The following CTNNA2 variants were observed in gnomAD, a reference collection of about 807,000 sequenced individuals.
CTNNA2 encodes catenin alpha 2.
In CTNNA2, 42 loss-of-function variants were observed where a neutral mutation model predicts 101.0. The ratio of observed to expected loss-of-function variants is 0.42; its 90% confidence interval spans 0.32 to 0.54. CTNNA2 has a LOEUF of 0.54. Ranked by LOEUF, CTNNA2 falls within the 20% of genes least tolerant of loss-of-function variation. CTNNA2 has a pLI of 0.14. For missense variants in CTNNA2, 871 were observed against 1,223.1 expected (o/e 0.71, Z 4.29); for synonymous variants, 450 against 456.4 (o/e 0.99, Z 0.18).
At chr2:79,480,883 C>T (rs780022041) in intron 4 of CTNNA2, among the ~76,000 whole-genome samples, 1 of 152,084 alleles carries the variant, frequency 6.6e-6, no homozygotes, top group Non-Finnish European at 1.5e-5. Context: ...TTAGAACTCA[C>T]TGTCACTATT....
chr2:79,229,921 G>A (rs1362101411), intron 2 of CTNNA2, among the ~76,000 whole-genome samples: 1 of 152,160 alleles, frequency 6.6e-6, no homozygotes, highest in Non-Finnish European at 1.5e-5. Flanking sequence ...GAGATTTGTG[G>A]AACTTTGAAC....
intron 2 of CTNNA2, among the ~76,000 whole-genome samples, chr2:79,210,830 T>C (rs540508296): frequency 6.6e-6 from 1 of 152,194 alleles, no homozygotes; most frequent in African/African-American, 2.4e-5. Flanking sequence ...TGTCCCCCAA[T>C]CCCCGTATTC....
At chr2:80,596,848 T>C (rs750269101) in intron 15 of CTNNA2, among the ~76,000 whole-genome samples, 4 of 152,176 alleles carry the variant, frequency 2.6e-5, no homozygotes, top group Non-Finnish European at 5.9e-5. Flanking sequence ...TATGGGTTTG[T>C]CATAAATAGC....
intron 7 of CTNNA2, among the ~76,000 whole-genome samples, chr2:80,073,846 A>C (rs1698513050): frequency 6.6e-6 from 1 of 151,704 alleles, no homozygotes; most frequent in Non-Finnish European, 1.5e-5. Flanking sequence ...TTTCAATGTC[A>C]TTACAGATTC....
At chr2:80,526,976 A>G (rs1690096483) in intron 9 of CTNNA2, among the ~76,000 whole-genome samples, 1 of 152,234 alleles carries the variant, frequency 6.6e-6, no homozygotes, top group African/African-American at 2.4e-5. Context: ...GAATATGGTC[A>G]TTGTACAAAT....
At chr2:79,787,261 C>T (rs1319355798) in intron 3 of CTNNA2, among the ~76,000 whole-genome samples, 2 of 152,012 alleles carry the variant, frequency 1.3e-5, no homozygotes, top group African/African-American at 4.8e-5. Context: ...CTTTTTTCAA[C>T]TTTCTATTTT....
chr2:80,092,389 C>T (rs1401823919), intron 7 of CTNNA2, among the ~76,000 whole-genome samples: 3 of 152,082 alleles, frequency 2.0e-5, no homozygotes, highest in Admixed American at 1.3e-4. Context: ...CAGGCATACA[C>T]CCGTCACCTC....
chr2:79,335,028 A>G (rs1676963665), intron 3 of CTNNA2, among the ~76,000 whole-genome samples: 1 of 152,082 alleles, frequency 6.6e-6, no homozygotes, highest in African/African-American at 2.4e-5. Context: ...ACCCACACCC[A>G]TTCAGGAATT....
intron 18 of CTNNA2, among the ~76,000 whole-genome samples, chr2:80,621,600 T>C (rs1178458306): frequency 6.6e-6 from 1 of 151,998 alleles, no homozygotes; most frequent in African/African-American, 2.4e-5. Flanking sequence ...ATTCTAATTA[T>C]TGGGGATGTA....
At chr2:79,351,208 A>G (rs769176948) in intron 3 of CTNNA2, among the ~76,000 whole-genome samples, 1 of 152,104 alleles carries the variant, frequency 6.6e-6, no homozygotes, top group Non-Finnish European at 1.5e-5. Context: ...CTCTGCCTAG[A>G]CCAATGTTCA....
At chr2:80,237,795 A>T (rs1240839774) in intron 7 of CTNNA2, among the ~76,000 whole-genome samples, 1 of 152,138 alleles carries the variant, frequency 6.6e-6, no homozygotes, top group Non-Finnish European at 1.5e-5. Context: ...AAGCAAGAAA[A>T]TGAAAGGATT....
chr2:79,216,317 G>C (rs928568985), intron 2 of CTNNA2, among the ~76,000 whole-genome samples: 1 of 99,362 alleles, frequency 1.0e-5, no homozygotes, highest in African/African-American at 3.5e-5. Context: ...TAATGAAGGA[G>C]GCAAGCCTAG....
intron 9 of CTNNA2, among the ~76,000 whole-genome samples, chr2:80,542,251 G>A (rs1385976249): frequency 1.5e-5 from 2 of 129,962 alleles, no homozygotes; most frequent in South Asian, 2.4e-4. Context: ...ACATATTTAT[G>A]TGTATATATA....
intron 2 of CTNNA2, among the ~76,000 whole-genome samples, chr2:79,231,810 G>T (rs1036043291): frequency 6.7e-6 from 1 of 149,472 alleles, no homozygotes; most frequent in East Asian, 2.0e-4. Flanking sequence ...ATTTCATTTC[G>T]TTTGTGGTTA....
intron 7 of CTNNA2, among the ~76,000 whole-genome samples, chr2:80,143,352 T>G (rs1573210002): frequency 6.6e-6 from 1 of 152,222 alleles, no homozygotes; most frequent in African/African-American, 2.4e-5. Context: ...AAGTAATGTT[T>G]TGATACATTC....
In CTNNA2 at chr2:80,201,525, CA is replaced by C. The variant is rs1157476949; in HGVS notation, c.1057-191685del. On this transcript the variant is annotated intron_variant, in intron 7 of 18. Coordinates refer to ENST00000402739, the MANE Select transcript of CTNNA2 (RefSeq NM_001282597.3). ...AGTAGCTGGGACTACAGGCGCCTGC[CA>C]CCATGCCTGGCTAAATTTGTGTATT... is the stretch of plus-strand genomic sequence containing the variant. Among the ~76,000 whole-genome samples the C allele has an allele frequency of 4.6e-5, 7 of 151,976 alleles. No homozygotes were observed. The South Asian group carries it at 1.0e-3, about 23-fold the overall frequency.
At chr2:80,513,592 CA>C (rs1272887127) in intron 9 of CTNNA2, among the ~76,000 whole-genome samples, 3 of 152,194 alleles carry the variant, frequency 2.0e-5, no homozygotes, top group African/African-American at 7.2e-5. Flanking sequence ...GCTGCAGTAA[CA>C]AAACACCTTC....
intron 7 of CTNNA2, among the ~76,000 whole-genome samples, chr2:80,318,703 C>A (rs2149242335): frequency 6.6e-6 from 1 of 152,242 alleles, no homozygotes; most frequent in East Asian, 1.9e-4. Flanking sequence ...TTGTCCCTGG[C>A]TTATAGACTG....
chr2:80,123,929 T>A (rs183450052), intron 7 of CTNNA2, among the ~76,000 whole-genome samples: 1 of 152,284 alleles, frequency 6.6e-6, no homozygotes, highest in East Asian at 1.9e-4. Flanking sequence ...ACTGGCCACA[T>A]TCATTTGCAT....
Sources: allele counts gnomAD v4.1 joint callset (sites outside exome capture counted in the v4.1 genomes callset), GRCh38; gene constraint gnomAD v4.1.1; transcripts MANE v1.5; gene names NCBI Gene and HGNC (gene_info 2026-07-23, HGNC 2026-07-21).